Variants in GATAD2A observed in about 807,000 individuals in gnomAD.
The protein encoded by GATAD2A is transcriptional repressor p66-alpha.
GATAD2A carries 12 observed loss-of-function variants against 68.5 expected under a neutral mutation model. That is an observed-to-expected ratio of 0.18 (90% CI 0.11 to 0.28). The LOEUF is 0.28. GATAD2A is among the 10% of genes least tolerant of loss of function. GATAD2A has a pLI of 1.00. For synonymous variants in GATAD2A, 410 were observed against 375.3 expected, an observed-to-expected ratio of 1.09 and a Z score of -1.07; for missense variants, 755 against 868.5, an observed-to-expected ratio of 0.87 and a Z score of 1.64.
intron 1 of GATAD2A, among the ~76,000 whole-genome samples, chr19:19,463,118 T>C (rs1001784570): frequency 3.9e-5 from 6 of 152,194 alleles, no homozygotes; most frequent in Non-Finnish European, 7.4e-5. Flanking sequence ...TCCGAGGTCC[T>C]GGCCTCCCCT....
At chr19:19,407,088 C>G (rs1372832349) in intron 1 of GATAD2A, among the ~76,000 whole-genome samples, 3 of 152,214 alleles carry the variant, frequency 2.0e-5, no homozygotes, top group Non-Finnish European at 2.9e-5. Context: ...CTGGTTACAT[C>G]TCTGGTTCTG....
intron 4 of GATAD2A, among the ~76,000 whole-genome samples, chr19:19,493,153 A>G (rs1669306685): frequency 6.6e-6 from 1 of 152,096 alleles, no homozygotes; most frequent in Non-Finnish European, 1.5e-5. Flanking sequence ...ATTGGCCAGG[A>G]TGGTCTGGAT....
intron 1 of GATAD2A, among the ~76,000 whole-genome samples, chr19:19,410,517 C>A (rs183768046): frequency 1.5e-3 from 232 of 152,332 alleles, no homozygotes; most frequent in African/African-American, 5.2e-3. Flanking sequence ...TCCTGCAGTT[C>A]CGTCTCAGGA....
At chr19:19,419,103 C>T (rs1454920706) in intron 1 of GATAD2A, among the ~76,000 whole-genome samples, 1 of 152,160 alleles carries the variant, frequency 6.6e-6, no homozygotes, top group Non-Finnish European at 1.5e-5. Context: ...TCCCCCTGGT[C>T]TGTGCCTGCT....
At chr19:19,394,197 T>A (rs2049053579) in intron 1 of GATAD2A, among the ~76,000 whole-genome samples, 1 of 151,832 alleles carries the variant, frequency 6.6e-6, no homozygotes, top group Non-Finnish European at 1.5e-5. Flanking sequence ...CAAGTTTGCC[T>A]TTCTTGAAGT....
intron 5 of GATAD2A, 32 bp from the exon 6 acceptor site, chr19:19,495,722 C>T: frequency 6.3e-7 from 1 of 1,579,132 alleles, no homozygotes; most frequent in Non-Finnish European, 8.7e-7. Context: ...GGGTCCGGTC[C>T]ATGTAAATCT....
chr19:19,484,634 T>C (rs538208879), intron 2 of GATAD2A, among the ~76,000 whole-genome samples: 2 of 148,546 alleles, frequency 1.3e-5, no homozygotes, highest in Admixed American at 6.8e-5. Flanking sequence ...CCGGGGTTCA[T>C]GCCATTCTCC....
At chr19:19,425,379 C>CT (rs984547364) in intron 1 of GATAD2A, among the ~76,000 whole-genome samples, 105 of 152,294 alleles carry the variant, frequency 6.9e-4, no homozygotes, top group African/African-American at 2.4e-3. Context: ...CTCCCCTCCC[C>CT]TTTATTAGAG....
intron 1 of GATAD2A, among the ~76,000 whole-genome samples, chr19:19,415,138 G>A (rs556545942): frequency 7.4e-6 from 1 of 134,716 alleles, no homozygotes; most frequent in African/African-American, 2.9e-5. Context: ...TTGAGTAGGT[G>A]ATGTCTTTAC....
intron 1 of GATAD2A, among the ~76,000 whole-genome samples, chr19:19,436,681 G>A (rs573151381): frequency 2.3e-4 from 35 of 152,304 alleles, no homozygotes; most frequent in African/African-American, 7.5e-4. Context: ...CCCCCGCTGC[G>A]TGGAGCTCTT....
intron 5 of GATAD2A, 97 bp from the exon 6 acceptor site, chr19:19,495,649 AAAAAAACT>A: frequency 9.4e-7 from 1 of 1,061,832 alleles, no homozygotes; most frequent in Non-Finnish European, 1.3e-6. Context: ...AAAAAAAAAA[AAAAAAACT>A]AGTATGTACT....
intron 1 of GATAD2A, among the ~76,000 whole-genome samples, chr19:19,452,385 G>A (rs1306200021): frequency 1.3e-5 from 2 of 152,184 alleles, no homozygotes; most frequent in Non-Finnish European, 2.9e-5. Flanking sequence ...CTTGTGGGAA[G>A]CCTTTGTAAC....
intron 1 of GATAD2A, among the ~76,000 whole-genome samples, chr19:19,426,754 T>TCCAC (rs2053141152): frequency 1.3e-5 from 2 of 152,294 alleles, no homozygotes; most frequent in South Asian, 4.1e-4. Context: ...CCGCAAGCGA[T>TCCAC]CCACCCGCCT....
At chr19:19,486,490 G>A (rs1430796449) in intron 2 of GATAD2A, among the ~76,000 whole-genome samples, 6 of 152,204 alleles carry the variant, frequency 3.9e-5, no homozygotes, top group East Asian at 1.9e-4. Flanking sequence ...GGATGTGGGC[G>A]GCTGGCTCTG....
At chr19:19,495,708 G>A (rs761698018) in intron 5 of GATAD2A, 46 bp from the exon 6 acceptor site, 3 of 1,531,014 alleles carry the variant, frequency 2.0e-6, no homozygotes, top group East Asian at 2.3e-5. Flanking sequence ...AAAAAAGTGT[G>A]GGGGGGTCCG....
At chr19:19,475,236 A>T (rs2058595755) in intron 2 of GATAD2A, among the ~76,000 whole-genome samples, 1 of 152,218 alleles carries the variant, frequency 6.6e-6, no homozygotes, top group African/African-American at 2.4e-5. Flanking sequence ...ACAGCTGTCG[A>T]CGTGAGGGCT....
intron 1 of GATAD2A, among the ~76,000 whole-genome samples, chr19:19,427,107 G>A (rs2053188561): frequency 6.6e-6 from 1 of 151,858 alleles, no homozygotes; most frequent in Non-Finnish European, 1.5e-5. Context: ...AAGACAGAAG[G>A]AAGAAGGGGG....
At chr19:19,468,817 C>T (rs181286674) in intron 2 of GATAD2A, among the ~76,000 whole-genome samples, 273 of 152,260 alleles carry the variant, frequency 1.8e-3, no homozygotes, top group African/African-American at 6.1e-3. Context: ...ATAAATGACA[C>T]GTTGGCAGCT....
At chr19:19,433,490 G>T (rs1279416929) in intron 1 of GATAD2A, among the ~76,000 whole-genome samples, 1 of 152,158 alleles carries the variant, frequency 6.6e-6, no homozygotes, top group Non-Finnish European at 1.5e-5. Context: ...GGGAATTTTT[G>T]ATTGAGATTG....
Sources: gnomAD v4.1 joint callset for allele counts (sites outside exome capture counted in the v4.1 genomes callset) on GRCh38, gnomAD v4.1.1 for gene constraint, MANE v1.5 for transcripts, NCBI Gene and HGNC (gene_info 2026-07-23, HGNC 2026-07-21) for gene names.